The following OR7D4 variants were observed in gnomAD, a reference collection of about 807,000 sequenced individuals.
OR7D4 encodes the protein olfactory receptor family 7 subfamily D member 4.
For missense variants in OR7D4, 319 were observed against 377.1 expected (o/e 0.85, Z 1.27); for synonymous variants, 154 against 158.4 (o/e 0.97, Z 0.21).
In OR7D4 at chr19:9,213,704, C is replaced by G. The variant is rs113745336; in HGVS notation, c.*195G>C. 1.7e-6 allele frequency: 1 copy of G among 571,524 alleles called. No individual in the cohort carries two copies. Among genetic ancestry groups the G allele is most frequent in the Non-Finnish European group, 3.1e-6 (1 of 321,944 alleles). The allele number at this position is 571,524 out of a possible 1,614,324, so 35.4% of individuals were successfully genotyped here. Reference sequence around the variant, plus strand: ...AGTGAGCCAAGATTGCACCACTGCACTCTAGCCTGGGCGACAGAGCCAGAC... The same window carrying G: ...AGTGAGCCAAGATTGCACCACTGCAGTCTAGCCTGGGCGACAGAGCCAGAC... On this transcript the variant is annotated 3_prime_UTR_variant, in exon 2 of 2. Transcript: ENST00000641669.
chr19:9,213,875 T>A lies in OR7D4; in HGVS notation c.*24A>T. 3.8e-6 allele frequency: 6 copies of A among 1,565,912 alleles called. No homozygotes were observed. The highest frequency in any genetic ancestry group is 5.3e-6 in the Non-Finnish European group (6 of 1,137,634). ...TGCCTTAGGGGTACGCAGTGTGTCC[T>A]CTTAGTTCTGAGGCCCTGATTTGTC... On this transcript the variant is annotated 3_prime_UTR_variant, in exon 2 of 2. Transcript: ENST00000641669.
chr19:9,215,244 G>A (rs2051202999), intron 1 of OR7D4, among the ~76,000 whole-genome samples: 1 of 149,604 alleles, frequency 6.7e-6, no homozygotes. Context: ...TAAGGAGGCT[G>A]AGGCAGGAGA....
chr19:9,214,890 C>A (rs2051200838), intron 1 of OR7D4, 40 bp from the exon 2 acceptor site: 3 of 1,036,298 alleles, frequency 2.9e-6, no homozygotes, highest in Non-Finnish European at 2.9e-6. Flanking sequence ...TAATGAACAG[C>A]AAGTGGCAGC....
chr19:9,213,763 A>G lies in OR7D4; in HGVS notation c.*136T>C. The G allele has an allele frequency of 1.5e-6, 1 of 656,650 alleles. No homozygotes were observed. Among genetic ancestry groups the G allele is most frequent in the Non-Finnish European group, 2.6e-6 (1 of 383,088 alleles). The allele number at this position is 656,650 out of a possible 1,614,324, so 40.7% of individuals were successfully genotyped here. On this transcript the variant is annotated 3_prime_UTR_variant, in exon 2 of 2. Coordinates refer to ENST00000641669, the MANE Select transcript of OR7D4 (RefSeq NM_001005191.3). Reference sequence around the variant, plus strand: ...AAAAACAATAACAATAACAACAACAAACAACCCAATAACAACAACCAAAAA... The same window carrying G: ...AAAAACAATAACAATAACAACAACAGACAACCCAATAACAACAACCAAAAA...
At position 9,214,387 on chromosome 19, in the gene OR7D4, T is replaced by A. The variant is rs2051194355; in HGVS notation, c.451A>T (p.Ile151Phe). 1 of 1,614,012 alleles carries A rather than the reference T, an allele frequency of 6.2e-7. No individual in the cohort carries two copies. The highest frequency in any genetic ancestry group is 1.3e-5 in the African/African-American group (1 of 74,896). ...CGLLVLASWF[I>F]IFWFSLVHIL... The stretch of plus-strand genomic sequence containing the variant: ...TGAACCAGGGAGAACCAGAAAATGA[T>A]GAACCAAGATGCCAGAACCAGGAGG... The change falls in exon 2 of 2, where the codon ATC becomes TTC. Residue 151 changes from isoleucine (I) to phenylalanine (F), a missense_variant. Coordinates refer to ENST00000641669, the MANE Select transcript of OR7D4 (RefSeq NM_001005191.3).
rs1009979710 is a variant in OR7D4, at chr19:9,211,380, G to C, written c.*2519C>G. On this transcript the variant is annotated 3_prime_UTR_variant, in exon 2 of 2. Transcript: ENST00000641669. ...TAAAGTTACCAAGTTAGGCTGCAAAGATCAGCAGTTTCTAACATGCCAACA... is the reference window on the plus strand; with the variant it reads ...TAAAGTTACCAAGTTAGGCTGCAAACATCAGCAGTTTCTAACATGCCAACA... 9 of 152,222 alleles carry C rather than the reference G, an allele frequency of 5.9e-5. No individual in the cohort carries two copies. Among genetic ancestry groups the C allele is most frequent in the Non-Finnish European group, 1.3e-4 (9 of 68,044 alleles). 9.4% of individuals were successfully genotyped at this position (152,222 alleles called of 1,614,324 possible).
chr19:9,218,736 ATCC>A (rs2051235679), intron 1 of OR7D4, among the ~76,000 whole-genome samples: 1 of 152,090 alleles, frequency 6.6e-6, no homozygotes, highest in Non-Finnish European at 1.5e-5. Context: ...TCAAGCAATT[ATCC>A]CATCTCAGTC....
At position 9,213,995 on chromosome 19, in the gene OR7D4, G is replaced by T. The variant is rs749192734; in HGVS notation, c.843C>A (p.Val281=). The change falls in exon 2 of 2, where the codon GTC becomes GTA. Residue 281 remains valine (V), a synonymous_variant. Coordinates refer to ENST00000641669, the MANE Select transcript of OR7D4 (RefSeq NM_001005191.3). ...AGATGAAGGGGTTCAGCATGGGGGT[G>T]ACCATGGCGTACATCACTGAGGCGG... ...SSTASVMYAM[V]TPMLNPFIYS... 9.9e-6 allele frequency: 16 copies of T among 1,614,118 alleles called. No homozygotes were observed. The highest frequency in any genetic ancestry group is 1.4e-5 in the Non-Finnish European group (16 of 1,179,992).
Position 9,213,857 on chromosome 19 carries a change from G to T in OR7D4, c.*42C>A, listed in dbSNP as rs2051188261. On this transcript the variant is annotated 3_prime_UTR_variant, in exon 2 of 2. Coordinates refer to ENST00000641669, the MANE Select transcript of OR7D4 (RefSeq NM_001005191.3). ...ATTTAAACCCACAACATTTGCCTTA[G>T]GGGTACGCAGTGTGTCCTCTTAGTT... The T allele has an allele frequency of 7.3e-7, 1 of 1,376,608 alleles. No homozygotes were observed. The highest frequency in any genetic ancestry group is 1.0e-6 in the Non-Finnish European group (1 of 977,602). The allele number at this position is 1,376,608 out of a possible 1,614,324, so 85.3% of individuals were successfully genotyped here. A position where few individuals can be genotyped will look rare whatever the true frequency, so the allele number is the denominator to read the frequency against.
At position 9,213,949 on chromosome 19, in the gene OR7D4, C is replaced by T. The variant is rs752027851; in HGVS notation, c.889G>A (p.Val297Met). ...AGGAGTCTTTCCAGGGCCCCCTTCA[C>T]ATCCTTGTTCCTCAGGCTGTAGATG... is the stretch of plus-strand genomic sequence containing the variant. ...PFIYSLRNKD[V>M]KGALERLLSR... Residue 297 changes from valine (V) to methionine (M), a missense_variant, in exon 2 of 2, where the codon GTG (valine) becomes ATG (methionine). Transcript: ENST00000641669. The T allele has an allele frequency of 3.0e-5, 49 of 1,614,190 alleles. No individual in the cohort carries two copies. The highest frequency in any genetic ancestry group is 1.5e-4 in the South Asian group (14 of 91,082).
rs73498880 is a variant in OR7D4, at chr19:9,213,788, A to G, written c.*111T>C. Reference sequence around the variant, plus strand: ...AACAACCCAATAACAACAACCAAAAATCCCACATCAAGCACATTTTTTAAA... The same window carrying G: ...AACAACCCAATAACAACAACCAAAAGTCCCACATCAAGCACATTTTTTAAA... On this transcript the variant is annotated 3_prime_UTR_variant, in exon 2 of 2. Coordinates refer to ENST00000641669, the MANE Select transcript of OR7D4 (RefSeq NM_001005191.3). The G allele has an allele frequency of 0.05, 37,790 of 753,636 alleles. 1,798 individuals carry two copies. Among genetic ancestry groups the G allele is most frequent in the East Asian group, 0.21 (8,015 of 38,704 alleles). 46.7% of individuals were successfully genotyped at this position (753,636 alleles called of 1,614,324 possible). A position where few individuals can be genotyped will look rare whatever the true frequency, so the allele number is the denominator to read the frequency against.
In OR7D4 at chr19:9,210,851, C is replaced by T. The variant is rs1361719800; in HGVS notation, c.*3048G>A. ...TGCAGCAGCTTATTGTGATGTTGGG[C>T]TGAGAGCTTGTGGCGAAGGAGAACC... On this transcript the variant is annotated 3_prime_UTR_variant, in exon 2 of 2. Coordinates refer to ENST00000641669, the MANE Select transcript of OR7D4 (RefSeq NM_001005191.3). 2 of 152,196 alleles carry T rather than the reference C, an allele frequency of 1.3e-5. No individual in the cohort carries two copies. Among genetic ancestry groups the T allele is most frequent in the African/African-American group, 4.8e-5 (2 of 41,432 alleles). The allele number at this position is 152,196 out of a possible 1,614,324, so 9.4% of individuals were successfully genotyped here.
rs1568329317 is a variant in OR7D4 at position 9,214,185 on chromosome 19, T to G, written c.653A>C (p.Tyr218Ser). ...CATTAAGGAGGAGACAATCTGAGAG[T>G]AGGAGAAGAGGATCCCAGCTACAGG... ...VFPVAGILFS[Y>S]SQIVSSLMGM... The change falls in exon 2 of 2, where the codon TAC (tyrosine) becomes TCC (serine). Residue 218 changes from tyrosine to serine, a missense_variant. Tyr to Ser is a moderately radical substitution (Grantham distance 144). Coordinates refer to ENST00000641669, the MANE Select transcript of OR7D4 (RefSeq NM_001005191.3). The G allele has an allele frequency of 1.2e-6, 2 of 1,613,800 alleles. No homozygotes were observed. The highest frequency in any genetic ancestry group is 3.3e-5 in the Admixed American group (2 of 59,966).
In OR7D4 at chr19:9,214,847, G is replaced by A; in HGVS notation, c.-10C>T. The A allele has an allele frequency of 1.3e-6, 2 of 1,561,632 alleles. No individual in the cohort carries two copies. The highest frequency in any genetic ancestry group is 1.2e-5 in the South Asian group (1 of 84,514). On this transcript the variant is annotated 5_prime_UTR_variant, in exon 2 of 2. An upstream open reading frame in the 5' UTR gains an earlier in-frame stop. Coordinates refer to ENST00000641669, the MANE Select transcript of OR7D4 (RefSeq NM_001005191.3). ...GGTTTTCTGCTTCCATGTAGCTGTT[G>A]TGTCTGCTGGGGAAGGAGGAAAAAG... is the stretch of plus-strand genomic sequence containing the variant.
intron 1 of OR7D4, among the ~76,000 whole-genome samples, chr19:9,216,303 T>C (rs1266862602): frequency 6.6e-6 from 1 of 152,180 alleles, no homozygotes; most frequent in Admixed American, 6.5e-5. Context: ...GATGAAGAGG[T>C]TGACCTTCTC....
rs2146017089 is a variant in OR7D4, at chr19:9,219,245, TG to T, written c.-60del. The T allele has an allele frequency of 6.6e-6, 1 of 152,288 alleles. No individual in the cohort carries two copies. Among genetic ancestry groups the T allele is most frequent in the East Asian group, 1.9e-4 (1 of 5,186 alleles). The allele number at this position is 152,288 out of a possible 1,614,324, so 9.4% of individuals were successfully genotyped here. A position where few individuals can be genotyped will look rare whatever the true frequency, so the allele number is the denominator to read the frequency against. ...CGTGAGTAGTTAATGAATAAGTAACTGGATGTACGAAATTCAACAGGAGACT... is the reference window on the plus strand; with the variant it reads ...CGTGAGTAGTTAATGAATAAGTAACTGATGTACGAAATTCAACAGGAGACT... On this transcript the variant is annotated 5_prime_UTR_variant, in exon 1 of 2. Coordinates refer to ENST00000641669, the MANE Select transcript of OR7D4 (RefSeq NM_001005191.3).
At chr19:9,216,634 C>T (rs929867456) in intron 1 of OR7D4, among the ~76,000 whole-genome samples, 1 of 152,008 alleles carries the variant, frequency 6.6e-6, no homozygotes, top group Non-Finnish European at 1.5e-5. Flanking sequence ...CTCTGTTGAC[C>T]AGGCTGGAGT....
At chr19:9,216,962 C>T (rs926977726) in intron 1 of OR7D4, among the ~76,000 whole-genome samples, 6 of 152,180 alleles carry the variant, frequency 3.9e-5, no homozygotes, top group Non-Finnish European at 7.3e-5. Context: ...CAATATCCCC[C>T]TTACATGGGG....
At position 9,211,508 on chromosome 19, in the gene OR7D4, A is replaced by G. The variant is rs2146001266; in HGVS notation, c.*2391T>C. ...ATTACAGGCAAGGAGTATAGAAAGT[A>G]AAATAGAAAGTCCTCCTTAGAAACA... is the stretch of plus-strand genomic sequence containing the variant. On this transcript the variant is annotated 3_prime_UTR_variant, in exon 2 of 2. Transcript: ENST00000641669. 1 of 152,366 alleles carries G rather than the reference A, an allele frequency of 6.6e-6. No homozygotes were observed. Among genetic ancestry groups the G allele is most frequent in the East Asian group, 1.9e-4 (1 of 5,186 alleles). The allele number at this position is 152,366 out of a possible 1,614,324, so 9.4% of individuals were successfully genotyped here.
Sources: allele counts gnomAD v4.1 joint callset (sites outside exome capture counted in the v4.1 genomes callset), GRCh38; gene constraint gnomAD v4.1.1; transcripts MANE v1.5; gene names NCBI Gene and HGNC (gene_info 2026-07-23, HGNC 2026-07-21).